Variants in DCAF12 observed in about 807,000 individuals in gnomAD.
The protein encoded by DCAF12 is DDB1- and CUL4-associated factor 12.
Under a neutral mutation model 52.8 loss-of-function variants are expected in DCAF12, and 28 were observed. The observed-to-expected ratio is 0.53, with a 90% CI of 0.39 to 0.73. DCAF12 has a LOEUF of 0.73. Among genes scored for constraint, DCAF12 ranks in the 30% least tolerant of loss-of-function variants. The pLI, the probability that DCAF12 is intolerant of heterozygous loss-of-function variation, is 0.00. For missense variants in DCAF12, 425 were observed against 552.2 expected, an observed-to-expected ratio of 0.77 and a Z score of 2.31; for synonymous variants, 196 against 215.5, an observed-to-expected ratio of 0.91 and a Z score of 0.79.
rs917127130 is a variant in DCAF12, at chr9:34,126,496, G to T, written c.-65C>A. 1.4e-5 allele frequency: 22 copies of T among 1,557,850 alleles called. No individual in the cohort carries two copies. Among genetic ancestry groups the T allele is most frequent in the Non-Finnish European group, 1.8e-5 (21 of 1,157,416 alleles). ...GGGGGAAGCGAAGGATAGCAGGACG[G>T]CGGGTCATATACTGGGCCCCGGGGC... On this transcript the variant is annotated 5_prime_UTR_variant, in exon 1 of 9. Coordinates refer to ENST00000361264, the MANE Select transcript of DCAF12 (RefSeq NM_015397.4).
chr9:34,125,293 T>C lies in DCAF12; in HGVS notation c.79-16A>G. 1 of 1,612,828 alleles carries C rather than the reference T, an allele frequency of 6.2e-7. No individual in the cohort carries two copies. The highest frequency in any genetic ancestry group is 2.2e-5 in the East Asian group (1 of 44,858). The stretch of plus-strand genomic sequence containing the variant: ...CCCAGCCAAACTGTGGAAACAACAT[T>C]AGAAATCAGGGCTTTGGCTACTCTT... On this transcript the variant is annotated splice_polypyrimidine_tract_variant and intron_variant, in intron 1 of 8. Transcript: ENST00000361264.
At chr9:34,122,331 T>G (rs1829187523) in intron 2 of DCAF12, among the ~76,000 whole-genome samples, 1 of 152,202 alleles carries the variant, frequency 6.6e-6, no homozygotes, top group African/African-American at 2.4e-5. Flanking sequence ...TCCTTCTACA[T>G]AAATGACTGC....
rs372624056 is a variant in DCAF12, at chr9:34,107,463, T to C, written c.436A>G (p.Ile146Val). The C allele has an allele frequency of 6.2e-7, 1 of 1,614,188 alleles. No homozygotes were observed. Among genetic ancestry groups the C allele is most frequent in the Non-Finnish European group, 8.5e-7 (1 of 1,180,032 alleles). The stretch of plus-strand genomic sequence containing the variant: ...AGTGTTCTAGAAGGATTCAGCTCGA[T>C]GGCATGGATACCACAGCCCTGCTGG... ...VTQQGCGIHAIELNPSRTLLA... is the reference protein window; with the variant it reads ...VTQQGCGIHAVELNPSRTLLA... Residue 146 changes from isoleucine (I) to valine (V), a missense_variant, in exon 3 of 9, where the codon ATC (isoleucine) becomes GTC (valine). Ile to Val is a conservative substitution (Grantham distance 29). This residue lies in a region of DCAF12 where 328 missense variants were observed against 444.4 expected (regional missense o/e 0.74). Transcript: ENST00000361264.
At chr9:34,121,046 C>T (rs1829167181) in intron 2 of DCAF12, among the ~76,000 whole-genome samples, 1 of 151,872 alleles carries the variant, frequency 6.6e-6, no homozygotes, top group African/African-American at 2.4e-5. Context: ...CCCAGCCACT[C>T]GGGAGGCAGA....
intron 7 of DCAF12, among the ~76,000 whole-genome samples, chr9:34,091,661 A>AC (rs1828646906): frequency 2.0e-5 from 3 of 148,476 alleles, no homozygotes; most frequent in South Asian, 2.1e-4. Flanking sequence ...AAAAAAAAAA[A>AC]CCACAAAAAA....
chr9:34,123,953 G>A (rs995660043), intron 2 of DCAF12, among the ~76,000 whole-genome samples: 6 of 152,244 alleles, frequency 3.9e-5, no homozygotes, highest in South Asian at 2.1e-4. Flanking sequence ...AAGAGGAAAC[G>A]AAAGGTTGGC....
rs1289096571 is a variant in DCAF12 at position 34,126,382 on chromosome 9, C to G, written c.50G>C (p.Gly17Ala). 1 of 1,612,018 alleles carries G rather than the reference C, an allele frequency of 6.2e-7. No homozygotes were observed. Among genetic ancestry groups the G allele is most frequent in the Non-Finnish European group, 8.5e-7 (1 of 1,179,806 alleles). The change falls in exon 1 of 9, where the codon GGA becomes GCA. Residue 17 changes from glycine (G) to alanine (A), a missense_variant. This residue lies in a region of DCAF12 where 89 missense variants were observed against 84.9 expected (regional missense o/e 1.05). Coordinates refer to ENST00000361264, the MANE Select transcript of DCAF12 (RefSeq NM_015397.4). ...CGGGCCCTGAGCGTCGCTCCCAGCT[C>G]CCGGCGAGGCGGGCGCTTTCCGCTT... is the stretch of plus-strand genomic sequence containing the variant. ...SRKRKAPASP[G>A]AGSDAQGPQF... is the part of the protein sequence containing the mutation.
intron 2 of DCAF12, among the ~76,000 whole-genome samples, chr9:34,113,820 T>C (rs1829043225): frequency 6.6e-6 from 1 of 152,140 alleles, no homozygotes; most frequent in African/African-American, 2.4e-5. Flanking sequence ...AAAGAAAATG[T>C]GGCACAGGCC....
intron 2 of DCAF12, among the ~76,000 whole-genome samples, chr9:34,116,265 G>C (rs1829086726): frequency 3.3e-5 from 5 of 151,976 alleles, no homozygotes; most frequent in Admixed American, 3.3e-4. Flanking sequence ...GCTGAGGTAG[G>C]AGAATCGCTT....
chr9:34,098,563 A>G lies in DCAF12; in HGVS notation c.602-46T>C, dbSNP rs199596213. 4,219 of 1,563,718 alleles carry G rather than the reference A, an allele frequency of 2.7e-3. 13 individuals carry two copies. Among genetic ancestry groups the G allele is most frequent in the Non-Finnish European group, 3.4e-3 (3,920 of 1,149,046 alleles). On this transcript the variant is annotated intron_variant, in intron 4 of 8. Coordinates refer to ENST00000361264, the MANE Select transcript of DCAF12 (RefSeq NM_015397.4). ...AGATGTCAGATGTACCCACCCCTCT[A>G]TGGGAAATCCCACAGACGCCAAAGA...
At chr9:34,126,284 G>C in intron 1 of DCAF12, 70 bp downstream of exon 1, 1 of 1,574,466 alleles carries the variant, frequency 6.4e-7, no homozygotes. Context: ...CCCGTCGCAG[G>C]ATCTGCGGAC....
At position 34,111,591 on chromosome 9, in the gene DCAF12, C is replaced by A. The variant is rs138979558; in HGVS notation, c.334-4026G>T. Among the ~76,000 whole-genome samples, 952 of 152,300 alleles carry A rather than the reference C, an allele frequency of 6.3e-3. 11 individuals are homozygous for A. Among genetic ancestry groups the A allele is most frequent in the African/African-American group, 0.022 (897 of 41,564 alleles). Reference sequence around the variant, plus strand: ...AACAGTCACCTTTCAGAGGGCCTGCCCAACTACTGTAGTAGGCCCCCACAT... The same window carrying A: ...AACAGTCACCTTTCAGAGGGCCTGCACAACTACTGTAGTAGGCCCCCACAT... On this transcript the variant is annotated intron_variant, in intron 2 of 8. Transcript: ENST00000361264.
At chr9:34,114,982 C>G (rs1172439369) in intron 2 of DCAF12, among the ~76,000 whole-genome samples, 1 of 151,204 alleles carries the variant, frequency 6.6e-6, no homozygotes, top group Non-Finnish European at 1.5e-5. Context: ...ACAAAAAACA[C>G]AAAAACAAAA....
intron 4 of DCAF12, among the ~76,000 whole-genome samples, chr9:34,100,139 A>C (rs1828803492): frequency 6.7e-6 from 1 of 150,200 alleles, no homozygotes; most frequent in Admixed American, 6.7e-5. Flanking sequence ...GGCCTAAGTG[A>C]TCCTCCTGCC....
chr9:34,110,535 C>G (rs1828981756), intron 2 of DCAF12, among the ~76,000 whole-genome samples: 1 of 152,114 alleles, frequency 6.6e-6, no homozygotes, highest in African/African-American at 2.4e-5. Flanking sequence ...CATGCCAGTC[C>G]CCAACTAAAA....
intron 2 of DCAF12, among the ~76,000 whole-genome samples, chr9:34,119,125 A>G (rs569264489): frequency 1.3e-5 from 2 of 152,266 alleles, no homozygotes; most frequent in South Asian, 4.1e-4. Flanking sequence ...CAAAAAACTC[A>G]CTGTGTGACT....
chr9:34,105,252 CAA>C (rs111302055), intron 4 of DCAF12, among the ~76,000 whole-genome samples: 9 of 122,804 alleles, frequency 7.3e-5, no homozygotes, highest in African/African-American at 9.0e-5. Context: ...GACTCTGTCT[CAA>C]AAAAAAAAAA....
In DCAF12 at chr9:34,098,399, T is replaced by C. The variant is rs1234323583; in HGVS notation, c.720A>G (p.Leu240=). 1 of 1,614,254 alleles carries C rather than the reference T, an allele frequency of 6.2e-7. No individual in the cohort carries two copies. Among genetic ancestry groups the C allele is most frequent in the Non-Finnish European group, 8.5e-7 (1 of 1,180,036 alleles). Residue 240 remains leucine (L), a synonymous_variant, in exon 5 of 9, where the codon TTA becomes TTG. Coordinates refer to ENST00000361264, the MANE Select transcript of DCAF12 (RefSeq NM_015397.4). ...TTGTGTCTTCTTTGGGGATGTCCTTTAAGGCCTTGTGAGTGATGTGTGCAT... is the reference window on the plus strand; with the variant it reads ...TTGTGTCTTCTTTGGGGATGTCCTTCAAGGCCTTGTGAGTGATGTGTGCAT... ...PVYAHITHKA[L]KDIPKEDTNP...
chr9:34,102,445 G>A (rs942398771), intron 4 of DCAF12, among the ~76,000 whole-genome samples: 8 of 151,352 alleles, frequency 5.3e-5, no homozygotes, highest in African/African-American at 1.7e-4. Context: ...GGCAGATAAC[G>A]AGGTCAGGAG....
Sources: gnomAD v4.1 joint callset for allele counts (sites outside exome capture counted in the v4.1 genomes callset) on GRCh38, gnomAD v4.1.1 for gene constraint, gnomAD v4.1.1 regional missense constraint, MANE v1.5 for transcripts, NCBI Gene and HGNC (gene_info 2026-07-23, HGNC 2026-07-21) for gene names.